Variants in PRKAR1B observed in about 807,000 individuals in gnomAD.
The protein encoded by PRKAR1B is cAMP-dependent protein kinase type I-beta regulatory subunit.
Under a neutral mutation model 46.5 loss-of-function variants are expected in PRKAR1B, and 22 were observed. The ratio of observed to expected loss-of-function variants is 0.47; its 90% confidence interval spans 0.34 to 0.68. The LOEUF (loss-of-function observed/expected upper bound fraction) is 0.68, where lower values mean the gene tolerates loss of function less well. PRKAR1B is among the 30% of genes least tolerant of loss of function. The pLI is 0.01. For missense variants in PRKAR1B, 445 were observed against 535.6 expected (o/e 0.83, Z 1.67); for synonymous variants, 259 against 217.7 (o/e 1.19, Z -1.67).
chr7:682,283 G>A (rs1344187573), intron 2 of PRKAR1B, among the ~76,000 whole-genome samples: 1 of 152,176 alleles, frequency 6.6e-6, no homozygotes, highest in Admixed American at 6.5e-5. Context: ...CATGTCCCTG[G>A]CATCGTAGTA....
At position 635,373 on chromosome 7, in the gene PRKAR1B, G is replaced by A. The variant is rs368901459; in HGVS notation, c.441-27921C>T. 2.6e-4 allele frequency among the ~76,000 whole-genome samples: 40 copies of A among 152,276 alleles called. No individual in the cohort carries two copies. In the East Asian group the frequency reaches 6.8e-3, roughly 26 times the overall value. ...TCGCGCCCAGGCAGACTGTGGCATC[G>A]CTGCTCTGAAAACAGGGGTCAGAGC... On this transcript the variant is annotated intron_variant, in intron 4 of 10. Coordinates refer to ENST00000537384, the MANE Select transcript of PRKAR1B (RefSeq NM_001164760.2).
rs971232578 is a variant in PRKAR1B at position 550,292 on chromosome 7, G to C, written c.*138C>G. The C allele has an allele frequency of 1.2e-5, 8 of 670,452 alleles. No homozygotes were observed. In the East Asian group the frequency reaches 2.2e-4, roughly 19 times the overall value. The allele number at this position is 670,452 out of a possible 1,614,324, so 41.5% of individuals were successfully genotyped here. ...ATTTATTCCAAAAAGTGAGTCCGGG[G>C]AAGGGGCAGTCCTCACGCTGCCGGG... On this transcript the variant is annotated 3_prime_UTR_variant, in exon 11 of 11. Transcript: ENST00000537384.
chr7:588,136 C>T (rs556011317), intron 7 of PRKAR1B, among the ~76,000 whole-genome samples: 2 of 152,334 alleles, frequency 1.3e-5, no homozygotes, highest in East Asian at 1.9e-4. Context: ...CCAAGCTTCC[C>T]ACTCACAGAT....
At chr7:680,466 G>C in intron 3 of PRKAR1B, 90 bp downstream of exon 3, 2 of 1,296,660 alleles carry the variant, frequency 1.5e-6, no homozygotes, top group Non-Finnish European at 1.0e-6. Flanking sequence ...CCAGGAGGAT[G>C]AGGGTGCCCC....
chr7:692,891 G>C (rs940962278), intron 2 of PRKAR1B, among the ~76,000 whole-genome samples: 3 of 152,116 alleles, frequency 2.0e-5, no homozygotes, highest in African/African-American at 7.2e-5. Flanking sequence ...TGCCCTGCAG[G>C]CTGGAGGGGG....
chr7:653,497 A>G lies in PRKAR1B; in HGVS notation c.440+23732T>C, dbSNP rs1159778630. Among the ~76,000 whole-genome samples, 5 of 152,146 alleles carry G rather than the reference A, an allele frequency of 3.3e-5. No homozygotes were observed. In the East Asian group the frequency reaches 9.6e-4, roughly 29 times the overall value. The stretch of plus-strand genomic sequence containing the variant: ...AACTCTCTTTGCTTCTCATGGGACC[A>G]CTGCTAAGCAAGGCCACCTGGCCAC... On this transcript the variant is annotated intron_variant, in intron 4 of 10. Transcript: ENST00000537384.
intron 2 of PRKAR1B, among the ~76,000 whole-genome samples, chr7:693,982 A>G (rs1203407643): frequency 6.6e-6 from 1 of 152,186 alleles, no homozygotes; most frequent in Admixed American, 6.5e-5. Flanking sequence ...TGCCTTTGCG[A>G]TAACCGCGAG....
intron 6 of PRKAR1B, among the ~76,000 whole-genome samples, chr7:597,526 T>C (rs1781332175): frequency 6.6e-6 from 1 of 152,198 alleles, no homozygotes; most frequent in Admixed American, 6.5e-5. Context: ...TTCCCCCCAG[T>C]GATCCCCTCC....
At chr7:709,343 G>A (rs1229461492) in intron 2 of PRKAR1B, among the ~76,000 whole-genome samples, 2 of 150,764 alleles carry the variant, frequency 1.3e-5, no homozygotes, top group African/African-American at 4.9e-5. Flanking sequence ...GTATGCATGT[G>A]TGTATGCATG....
intron 5 of PRKAR1B, 81 bp from the exon 6 acceptor site, chr7:606,320 C>T (rs1583290770): frequency 7.3e-7 from 1 of 1,376,014 alleles, no homozygotes; most frequent in South Asian, 1.2e-5. Context: ...ACGACTTTCG[C>T]AACACTGTTG....
chr7:649,857 C>T (rs1034542981), intron 4 of PRKAR1B, among the ~76,000 whole-genome samples: 27 of 152,038 alleles, frequency 1.8e-4, no homozygotes, highest in Non-Finnish European at 3.5e-4. Context: ...AGCACCACCA[C>T]ACCTGGCTAA....
chr7:598,828 C>T (rs1282059957), intron 6 of PRKAR1B, among the ~76,000 whole-genome samples: 2 of 152,354 alleles, frequency 1.3e-5, no homozygotes, highest in Admixed American at 1.3e-4. Flanking sequence ...AGCCTCTTGG[C>T]CCCTTCAGGG....
At chr7:613,222 G>T (rs1204453296) in intron 4 of PRKAR1B, among the ~76,000 whole-genome samples, 1 of 147,858 alleles carries the variant, frequency 6.8e-6, no homozygotes, top group Admixed American at 6.7e-5. Context: ...ATTTTCATGT[G>T]TTTTTTTCTT....
intron 9 of PRKAR1B, among the ~76,000 whole-genome samples, chr7:571,888 C>T (rs1393790959): frequency 1.3e-5 from 2 of 152,242 alleles, no homozygotes; most frequent in African/African-American, 4.8e-5. Flanking sequence ...GGAGCCCGCA[C>T]AGCCCTGGCA....
chr7:599,001 C>T (rs1002070652), intron 6 of PRKAR1B, among the ~76,000 whole-genome samples: 9 of 152,360 alleles, frequency 5.9e-5, no homozygotes, highest in African/African-American at 1.9e-4. Flanking sequence ...TGTCTCAAAG[C>T]GGGGATCCGT....
At chr7:551,340 A>G (rs755721689) in intron 10 of PRKAR1B, 49 bp downstream of exon 10, 22 of 1,531,832 alleles carry the variant, frequency 1.4e-5, no homozygotes, top group Middle Eastern at 2.0e-4. Flanking sequence ...CGAGACCCCA[A>G]ATGAGATGGC....
chr7:562,988 G>A (rs1323197436), intron 9 of PRKAR1B, among the ~76,000 whole-genome samples: 1 of 152,230 alleles, frequency 6.6e-6, no homozygotes, highest in Non-Finnish European at 1.5e-5. Context: ...TGACCAGGGT[G>A]CTGGACACCA....
intron 1 of PRKAR1B, chr7:716,859 G>A (rs1219875419): frequency 6.6e-6 from 1 of 152,198 alleles, no homozygotes; most frequent in East Asian, 1.9e-4. Flanking sequence ...GAGGATAGAG[G>A]AGAAACTGCA....
chr7:607,487 G>C, intron 4 of PRKAR1B, 35 bp from the exon 5 acceptor site: 2 of 1,577,340 alleles, frequency 1.3e-6, no homozygotes, highest in Non-Finnish European at 8.7e-7. Flanking sequence ...AGGGCTGCAG[G>C]CAGCACAGGG....
Sources: allele counts gnomAD v4.1 joint callset (sites outside exome capture counted in the v4.1 genomes callset), GRCh38; gene constraint gnomAD v4.1.1; transcripts MANE v1.5; gene names NCBI Gene and HGNC (gene_info 2026-07-23, HGNC 2026-07-21).